The following TRIP10 variants were observed in gnomAD, a reference collection of about 807,000 sequenced individuals.
TRIP10 encodes cdc42-interacting protein 4.
TRIP10 carries 54 observed loss-of-function variants against 80.9 expected under a neutral mutation model. That is an observed-to-expected ratio of 0.67 (90% CI 0.54 to 0.84). The LOEUF is 0.84. Among genes scored for constraint, TRIP10 ranks in the 40% least tolerant of loss-of-function variants. The pLI is 0.00. For synonymous variants in TRIP10, 321 were observed against 307.2 expected, an observed-to-expected ratio of 1.04 and a Z score of -0.47; for missense variants, 773 against 815.3, an observed-to-expected ratio of 0.95 and a Z score of 0.63.
Position 6,746,054 on chromosome 19 carries a change from T to TGG in TRIP10, c.1015_1016dup (p.Pro340AlafsTer24). 1 of 497,618 alleles carries TGG rather than the reference T, an allele frequency of 2.0e-6. No homozygotes were observed. The highest frequency in any genetic ancestry group is 5.1e-4 in the Middle Eastern group (1 of 1,942). The allele number at this position is 497,618 out of a possible 1,614,324, so 30.8% of individuals were successfully genotyped here. On this transcript the variant is annotated frameshift_variant, in exon 10 of 15. Coordinates refer to ENST00000313244, the MANE Select transcript of TRIP10 (RefSeq NM_001288962.2). LOFTEE classifies it high-confidence loss of function. The surrounding 1 kb of genome is among the most constrained non-coding windows in gnomAD (Gnocchi z 6.2). The stretch of plus-strand genomic sequence containing the variant: ...CCTCGCCCCCCACCCCTCTCCCCCC[T>TGG]GGGGGGCCCCGTACCCTCGGCATTG...
Position 6,744,357 on chromosome 19 carries a change from C to G in TRIP10, c.643-197C>G, listed in dbSNP as rs954870167. On this transcript the variant is annotated intron_variant, in intron 7 of 14. Transcript: ENST00000313244. The surrounding 1 kb of genome is among the most constrained non-coding windows in gnomAD (Gnocchi z 4.9). ...TGCTGACCCCCTAGGCACGCGTCCCCCTCTGAGATCCCCCTGGCCCTGTGT... is the reference window on the plus strand; with the variant it reads ...TGCTGACCCCCTAGGCACGCGTCCCGCTCTGAGATCCCCCTGGCCCTGTGT... Among the ~76,000 whole-genome samples the G allele has an allele frequency of 1.3e-5, 2 of 152,184 alleles. No homozygotes were observed. Among genetic ancestry groups the G allele is most frequent in the African/African-American group, 4.8e-5 (2 of 41,438 alleles).
At chr19:6,749,649 C>G (rs894388341) in intron 11 of TRIP10, among the ~76,000 whole-genome samples, 1 of 152,092 alleles carries the variant, frequency 6.6e-6, no homozygotes, top group African/African-American at 2.4e-5. Flanking sequence ...ATCCCTTGAA[C>G]TCAGCCTGGG....
At chr19:6,748,076 C>T (rs1969189526) in intron 11 of TRIP10, among the ~76,000 whole-genome samples, 1 of 151,790 alleles carries the variant, frequency 6.6e-6, no homozygotes, top group Non-Finnish European at 1.5e-5. Context: ...TAGTTCACCA[C>T]ATTAATTGGC....
chr19:6,749,988 C>A lies in TRIP10; in HGVS notation c.1317C>A (p.Asp439Glu), dbSNP rs1599569162. The A allele has an allele frequency of 4.3e-6, 7 of 1,614,012 alleles. No individual in the cohort carries two copies. The highest frequency in any genetic ancestry group is 5.9e-6 in the Non-Finnish European group (7 of 1,180,024). The change falls in exon 12 of 15, where the codon GAC (aspartate) becomes GAA (glutamate). Residue 439 changes from aspartate (D) to glutamate (E), a missense_variant. Transcript: ENST00000313244. ...DVYEKTPQMG[D>E]PASLEPQIAE... ...ATGAGAAGACACCTCAGATGGGGGA[C>A]CCCGCCAGCTTGGAGCCCCAGATCG...
intron 11 of TRIP10, 49 bp from the exon 12 acceptor site, chr19:6,749,885 A>C (rs141426798): frequency 6.3e-7 from 1 of 1,583,392 alleles, no homozygotes; most frequent in South Asian, 1.1e-5. Flanking sequence ...CAACAAAAAA[A>C]CTCACACGGA....
chr19:6,745,762 C>T lies in TRIP10; in HGVS notation c.985-267C>T, dbSNP rs775672269. 3.1e-5 allele frequency: 31 copies of T among 985,138 alleles called. No homozygotes were observed. In the African/African-American group the frequency reaches 3.1e-4, roughly 10 times the overall value. The allele number at this position is 985,138 out of a possible 1,614,324, so 61.0% of individuals were successfully genotyped here. On this transcript the variant is annotated intron_variant, in intron 9 of 14. Coordinates refer to ENST00000313244, the MANE Select transcript of TRIP10 (RefSeq NM_001288962.2). This position sits in a 1 kb window ranked among gnomAD's most constrained non-coding sequence, Gnocchi z 7.2. Reference sequence around the variant, plus strand: ...CCGGGGGAGTGAGAGTTCTGGCTTTCGGGCTTACAGTTCAACATCCTCCCC... The same window carrying T: ...CCGGGGGAGTGAGAGTTCTGGCTTTTGGGCTTACAGTTCAACATCCTCCCC...
intron 1 of TRIP10, 79 bp downstream of exon 1, chr19:6,739,864 A>AG: frequency 7.4e-7 from 1 of 1,346,770 alleles, no homozygotes; most frequent in Non-Finnish European, 9.6e-7. Flanking sequence ...TGTATCTTAG[A>AG]GGGGGCTCCG....
Position 6,746,005 on chromosome 19 carries a change from C to A in TRIP10, c.985-24C>A, listed in dbSNP as rs1041267584. ...TGCCCCCCCACCCCTTCAACCTATC[C>A]CCCTCCCCGGCCCCCGCCGGTAGCC... On this transcript the variant is annotated intron_variant, in intron 9 of 14. Coordinates refer to ENST00000313244, the MANE Select transcript of TRIP10 (RefSeq NM_001288962.2). The surrounding 1 kb of genome is among the most constrained non-coding windows in gnomAD (Gnocchi z 6.2). 3.6e-6 allele frequency: 3 copies of A among 841,682 alleles called. No individual in the cohort carries two copies. The highest frequency in any genetic ancestry group is 3.7e-5 in the African/African-American group (2 of 53,388). The allele number at this position is 841,682 out of a possible 1,614,324, so 52.1% of individuals were successfully genotyped here.
In TRIP10 at chr19:6,751,483, GGAA is replaced by G; in HGVS notation, c.*273_*275del. On this transcript the variant is annotated 3_prime_UTR_variant, in exon 15 of 15. Coordinates refer to ENST00000313244, the MANE Select transcript of TRIP10 (RefSeq NM_001288962.2). ...GGCCATTTTGTTTTATACAAAAATG[GGAA>G]AAAAAAAAAAGAAATTATATAAAGT... 1.3e-6 allele frequency: 1 copy of G among 749,374 alleles called. No homozygotes were observed. Among genetic ancestry groups the G allele is most frequent in the South Asian group, 5.8e-5 (1 of 17,306 alleles). The allele number at this position is 749,374 out of a possible 1,614,324, so 46.4% of individuals were successfully genotyped here.
Position 6,743,838 on chromosome 19 carries a change from T to C in TRIP10, c.642+2T>C. 1 of 1,613,738 alleles carries C rather than the reference T, an allele frequency of 6.2e-7. No individual in the cohort carries two copies. The highest frequency in any genetic ancestry group is 8.5e-7 in the Non-Finnish European group (1 of 1,179,900). ...TCACAGATGCCCCAGATATTCGATG[T>C]GAGTGCTCCCAGTTCTCAGACCTAC... On this transcript the variant is annotated splice_donor_variant, in intron 7 of 14. Coordinates refer to ENST00000313244, the MANE Select transcript of TRIP10 (RefSeq NM_001288962.2). LOFTEE classifies it high-confidence loss of function.
chr19:6,743,286 G>T, intron 5 of TRIP10, 30 bp downstream of exon 5: 1 of 1,611,598 alleles, frequency 6.2e-7, no homozygotes, highest in Non-Finnish European at 8.5e-7. Context: ...AGTGACTGTG[G>T]CCCGGAGGCA....
Position 6,745,510 on chromosome 19 carries a change from C to A in TRIP10, c.984+516C>A. 1 of 953,594 alleles carries A rather than the reference C, an allele frequency of 1.0e-6. No homozygotes were observed. The highest frequency in any genetic ancestry group is 1.2e-6 in the Non-Finnish European group (1 of 801,028). 59.1% of individuals were successfully genotyped at this position (953,594 alleles called of 1,614,324 possible). On this transcript the variant is annotated intron_variant, in intron 9 of 14. Coordinates refer to ENST00000313244, the MANE Select transcript of TRIP10 (RefSeq NM_001288962.2). This position sits in a 1 kb window ranked among gnomAD's most constrained non-coding sequence, Gnocchi z 7.2. The stretch of plus-strand genomic sequence containing the variant: ...CCCCGAGCTTAAACTTCTGATGCCC[C>A]TAACCCCTCTCATTTTCCTGCCTTC...
In TRIP10 at chr19:6,746,616, AACTTC is replaced by A; in HGVS notation, c.1262+60_1262+64del. On this transcript the variant is annotated intron_variant, in intron 11 of 14. Coordinates refer to ENST00000313244, the MANE Select transcript of TRIP10 (RefSeq NM_001288962.2). This position sits in a 1 kb window ranked among gnomAD's most constrained non-coding sequence, Gnocchi z 6.2. ...AAGGAACATGATAAAATAGTAAATG[AACTTC>A]ACTTATTTGTTTATTATTTTATTTT... The A allele has an allele frequency of 1.6e-6, 2 of 1,251,408 alleles. No homozygotes were observed. Among genetic ancestry groups the A allele is most frequent in the South Asian group, 2.7e-5 (2 of 73,844 alleles). The allele number at this position is 1,251,408 out of a possible 1,614,324, so 77.5% of individuals were successfully genotyped here. A position where few individuals can be genotyped will look rare whatever the true frequency, so the allele number is the denominator to read the frequency against.
rs781461983 is a variant in TRIP10 at position 6,746,503 on chromosome 19, C to A, written c.1204C>A (p.Arg402=). ...SHLPPEQQRK[R]LQQQLEERSR... ...CTTGCCCCCAGAGCAGCAGCGAAAA[C>A]GGCTTCAACAGCAGTTGGAAGAACG... The change falls in exon 11 of 15, where the codon CGG becomes AGG. Residue 402 remains arginine, a synonymous_variant. Transcript: ENST00000313244. This position sits in a 1 kb window ranked among gnomAD's most constrained non-coding sequence, Gnocchi z 6.2. The A allele has an allele frequency of 5.2e-5, 84 of 1,614,114 alleles. No individual in the cohort carries two copies. In the African/African-American group the frequency reaches 9.2e-4, roughly 18 times the overall value.
chr19:6,743,156 T>TG, intron 4 of TRIP10, 38 bp from the exon 5 acceptor site: 1 of 1,614,100 alleles, frequency 6.2e-7, no homozygotes, highest in Admixed American at 1.7e-5. Flanking sequence ...GGGCTTCTGC[T>TG]GGAACCCTGG....
In TRIP10 at chr19:6,750,411, A is replaced by G. The variant is rs201069348; in HGVS notation, c.1515A>G (p.Ala505=). ...SAPPDSSSNS[A]SQDTKESSEE... is the part of the protein sequence containing the mutation. The stretch of plus-strand genomic sequence containing the variant: ...CGCCAGACAGCAGCAGCAACAGCGC[A>G]TCACAGGACACCAAGGAGAGGTGAG... The change falls in exon 13 of 15, where the codon GCA becomes GCG. Residue 505 remains alanine, a synonymous_variant. Coordinates refer to ENST00000313244, the MANE Select transcript of TRIP10 (RefSeq NM_001288962.2). 45 of 1,614,038 alleles carry G rather than the reference A, an allele frequency of 2.8e-5. No individual in the cohort carries two copies. The highest frequency in any genetic ancestry group is 3.6e-5 in the Non-Finnish European group (43 of 1,180,022).
rs757641145 is a variant in TRIP10, at chr19:6,744,697, G to A, written c.786G>A (p.Lys262=). 6.3e-7 allele frequency: 1 copy of A among 1,599,162 alleles called. No homozygotes were observed. Among genetic ancestry groups the A allele is most frequent in the African/African-American group, 1.3e-5 (1 of 74,628 alleles). ...TGGCTGCAAATGCTGTGGATCCCAA[G>A]AACGTGGGTGCCTGGTCTGGGTCCA... is the stretch of plus-strand genomic sequence containing the variant. ...MKVAANAVDP[K]NDSHVLIELH... Residue 262 remains lysine (K), a synonymous_variant, in exon 8 of 15, where the codon AAG becomes AAA. Transcript: ENST00000313244. The surrounding 1 kb of genome is among the most constrained non-coding windows in gnomAD (Gnocchi z 4.9).
At chr19:6,743,431 G>A in intron 5 of TRIP10, 63 bp from the exon 6 acceptor site, 1 of 1,583,784 alleles carries the variant, frequency 6.3e-7, no homozygotes, top group East Asian at 2.2e-5. Flanking sequence ...CTGAAACCTT[G>A]GTTTCCCACC....
chr19:6,739,702 G>A lies in TRIP10; in HGVS notation c.-60G>A, dbSNP rs1968846797. 3.9e-6 allele frequency: 5 copies of A among 1,268,638 alleles called. No homozygotes were observed. The highest frequency in any genetic ancestry group is 5.0e-6 in the Non-Finnish European group (5 of 1,004,860). 78.6% of individuals were successfully genotyped at this position (1,268,638 alleles called of 1,614,324 possible). ...GCTGAGTCTCCCCGGGGAGGGCGGCGGGCGGCGGGCGGCGGGGACCGGGTG... is the reference window on the plus strand; with the variant it reads ...GCTGAGTCTCCCCGGGGAGGGCGGCAGGCGGCGGGCGGCGGGGACCGGGTG... On this transcript the variant is annotated 5_prime_UTR_variant, in exon 1 of 15. Transcript: ENST00000313244.
Sources: gnomAD v4.1 joint callset for allele counts (sites outside exome capture counted in the v4.1 genomes callset) on GRCh38, gnomAD v4.1.1 for gene constraint, Gnocchi (gnomAD v3.1) non-coding constraint, MANE v1.5 for transcripts, NCBI Gene and HGNC (gene_info 2026-07-23, HGNC 2026-07-21) for gene names.